The following SPATA6 variants were observed in gnomAD, a reference collection of about 807,000 sequenced individuals.
The protein encoded by SPATA6 is spermatogenesis associated 6.
In SPATA6, 56 loss-of-function variants were observed where a neutral mutation model predicts 65.3. The ratio of observed to expected loss-of-function variants is 0.86; its 90% CI spans 0.69 to 1.07. SPATA6 has a LOEUF of 1.07. Ranked by LOEUF, SPATA6 falls within the 50% of genes least tolerant of loss-of-function variation. The probability of loss-of-function intolerance (pLI) is 0.00; values close to 1 mark genes in which losing one functional copy is unlikely to be tolerated. For missense variants in SPATA6, 590 were observed against 594.8 expected, an observed-to-expected ratio of 0.99 and a Z score of 0.08; for synonymous variants, 199 against 213.2, an observed-to-expected ratio of 0.93 and a Z score of 0.58.
intron 3 of SPATA6, among the ~76,000 whole-genome samples, chr1:48,423,352 A>G (rs377119904): frequency 6.6e-6 from 1 of 151,778 alleles, no homozygotes; most frequent in South Asian, 2.1e-4. Context: ...GCTACTCGGG[A>G]AGCTGAGGCA....
chr1:48,449,788 T>C (rs72897213), intron 3 of SPATA6, among the ~76,000 whole-genome samples: 3,783 of 152,316 alleles, frequency 0.025, 100 homozygotes, highest in African/African-American at 0.067. Context: ...GATACCAGCA[T>C]GGTGGTTCTG....
the SPATA6 span, among the ~76,000 whole-genome samples, chr1:48,275,141 G>T: frequency 6.6e-6 from 1 of 152,090 alleles, no homozygotes; most frequent in Non-Finnish European, 1.5e-5. Flanking sequence ...CTCTCTGTTT[G>T]TCTATTATTG....
At chr1:48,265,373 G>C in the SPATA6 span, among the ~76,000 whole-genome samples, 1 of 150,360 alleles carries the variant, frequency 6.7e-6, no homozygotes, top group African/African-American at 2.4e-5. Flanking sequence ...GAACGATTTT[G>C]ATAACTGCTT....
chr1:48,364,793 T>C (rs1406138663), intron 9 of SPATA6, among the ~76,000 whole-genome samples: 1 of 152,262 alleles, frequency 6.6e-6, no homozygotes, highest in Non-Finnish European at 1.5e-5. Context: ...GCAGAAGCTC[T>C]TTAGTTTAAT....
intron 3 of SPATA6, among the ~76,000 whole-genome samples, chr1:48,430,859 T>C (rs748841676): frequency 2.0e-5 from 3 of 151,548 alleles, no homozygotes; most frequent in Non-Finnish European, 4.4e-5. Flanking sequence ...ATGCAGAAAA[T>C]GAGTGACAAA....
chr1:48,394,231 T>C (rs551000940), intron 8 of SPATA6, among the ~76,000 whole-genome samples: 82 of 152,174 alleles, frequency 5.4e-4, no homozygotes, highest in Non-Finnish European at 8.4e-4. Context: ...TACCTCTACA[T>C]AGGCAACTGA....
Position 48,433,586 on chromosome 1 carries a change from G to T in SPATA6, c.238+17966C>A, listed in dbSNP as rs555353764. 5.9e-5 allele frequency among the ~76,000 whole-genome samples: 9 copies of T among 152,082 alleles called. No individual in the cohort carries two copies. In the South Asian group the frequency reaches 1.9e-3, roughly 32 times the overall value. ...TTATAGCAAAATAGTAAATCAAAAG[G>T]CTATAGGAAATAACTTACGTGCCAG... On this transcript the variant is annotated intron_variant, in intron 3 of 12. Transcript: ENST00000371847.
In SPATA6 at chr1:48,298,727, G is replaced by A; in HGVS notation, c.1453C>T (p.Gln485Ter). The A allele has an allele frequency of 6.2e-7, 1 of 1,612,660 alleles. No individual in the cohort carries two copies. The highest frequency in any genetic ancestry group is 8.5e-7 in the Non-Finnish European group (1 of 1,179,372). The stretch of plus-strand genomic sequence containing the variant: ...CATGGATGGTCTCAGAAGCTTTCCT[G>A]TGTATGTGAAGCAGAACTACAGGCC... ...KKACSSASHTQESF is the reference protein window; with the variant it reads ...KKACSSASHT The change falls in exon 13 of 13, where the codon CAG (glutamine) becomes TAG (stop). Residue 485 changes from glutamine to a stop codon, truncating the protein, a stop_gained. Transcript: ENST00000371847. LOFTEE classifies it high-confidence loss of function.
rs540022768 is a variant in SPATA6, at chr1:48,314,869, C to T, written c.1195-8991G>A. ...AAAATGATAAAGGGGATATCACCACCGATCCGACAGAAATACAAACTACCA... is the reference window on the plus strand; with the variant it reads ...AAAATGATAAAGGGGATATCACCACTGATCCGACAGAAATACAAACTACCA... On this transcript the variant is annotated intron_variant, in intron 11 of 12. Coordinates refer to ENST00000371847, the MANE Select transcript of SPATA6 (RefSeq NM_019073.4). Among the ~76,000 whole-genome samples the T allele has an allele frequency of 3.5e-3, 538 of 152,188 alleles. 3 individuals carry two copies. The highest frequency in any genetic ancestry group is 0.012 in the African/African-American group (491 of 41,522).
intron 11 of SPATA6, among the ~76,000 whole-genome samples, chr1:48,327,741 G>A (rs1017844045): frequency 5.3e-5 from 8 of 152,104 alleles, no homozygotes; most frequent in Admixed American, 3.3e-4. Context: ...GCATGTTCTC[G>A]TTTATAAGTG....
chr1:48,314,807 A>C (rs1407575839), intron 11 of SPATA6, among the ~76,000 whole-genome samples: 1 of 152,186 alleles, frequency 6.6e-6, no homozygotes, highest in East Asian at 1.9e-4. Context: ...ACACTAATAA[A>C]GAAGAAAAGA....
chr1:48,426,357 G>T (rs900449456), intron 3 of SPATA6, among the ~76,000 whole-genome samples: 1 of 152,128 alleles, frequency 6.6e-6, no homozygotes, highest in Non-Finnish European at 1.5e-5. Flanking sequence ...GTCTGAAGAC[G>T]GTAGATTAGT....
chr1:48,291,568 G>A (rs111960575), downstream of SPATA6, among the ~76,000 whole-genome samples: 1 of 151,890 alleles, frequency 6.6e-6, no homozygotes, highest in African/African-American at 2.4e-5. Flanking sequence ...GAAAAGGCTG[G>A]TCTCACTCCC....
At chr1:48,290,002 G>T in the SPATA6 span, among the ~76,000 whole-genome samples, 2 of 152,066 alleles carry the variant, frequency 1.3e-5, no homozygotes, top group African/African-American at 2.4e-5. Context: ...TAAAGAAAAC[G>T]CCACAAAGAT....
the SPATA6 span, among the ~76,000 whole-genome samples, chr1:48,265,550 G>A: frequency 6.6e-6 from 1 of 152,072 alleles, no homozygotes; most frequent in Non-Finnish European, 1.5e-5. Context: ...TCCAGATGGT[G>A]AAGAGGCTAA....
chr1:48,411,536 C>T lies in SPATA6; in HGVS notation c.333G>A (p.Pro111=), dbSNP rs1420639206. 15 of 1,610,756 alleles carry T rather than the reference C, an allele frequency of 9.3e-6. No individual in the cohort carries two copies. Among genetic ancestry groups the T allele is most frequent in the Admixed American group, 3.4e-5 (2 of 59,610 alleles). The part of the protein sequence containing the change: ...YDENTRDFMF[P]GPNQMSGHHD... ...GGTGTCCAGACATTTGGTTTGGACCCGGAAACATGAAATCTCGTGTATTTT... is the reference window on the plus strand; with the variant it reads ...GGTGTCCAGACATTTGGTTTGGACCTGGAAACATGAAATCTCGTGTATTTT... Residue 111 remains proline (P), a synonymous_variant, in exon 5 of 13, where the codon CCG becomes CCA. Transcript: ENST00000371847.
chr1:48,366,671 C>T (rs931197402), intron 9 of SPATA6, among the ~76,000 whole-genome samples: 4 of 151,852 alleles, frequency 2.6e-5, no homozygotes, highest in African/African-American at 9.7e-5. Flanking sequence ...TTGCATCTAT[C>T]TGATTCTTCT....
Position 48,323,638 on chromosome 1 carries a change from C to A in SPATA6, c.1195-17760G>T, listed in dbSNP as rs191491422. On this transcript the variant is annotated intron_variant, in intron 11 of 12. Coordinates refer to ENST00000371847, the MANE Select transcript of SPATA6 (RefSeq NM_019073.4). ...ACAGAAAAAAAAAAAAAAGAGGAGA[C>A]CCAAATAAATAAAAACAGAGATGAA... 4.9e-3 allele frequency among the ~76,000 whole-genome samples: 717 copies of A among 145,570 alleles called. 4 individuals carry two copies. Among genetic ancestry groups the A allele is most frequent in the Non-Finnish European group, 6.9e-3 (458 of 66,330 alleles).
intron 9 of SPATA6, among the ~76,000 whole-genome samples, chr1:48,381,448 A>T: frequency 6.6e-6 from 1 of 152,052 alleles, no homozygotes; most frequent in East Asian, 1.9e-4. Context: ...TCACTGGTAG[A>T]TCTGTGTCCC....
Sources: gnomAD v4.1 joint callset for allele counts (sites outside exome capture counted in the v4.1 genomes callset) on GRCh38, gnomAD v4.1.1 for gene constraint, MANE v1.5 for transcripts, NCBI Gene and HGNC (gene_info 2026-07-23, HGNC 2026-07-21) for gene names.